STAG3: variants seen among roughly 807,000 people sequenced by gnomAD.
STAG3 encodes the protein cohesin subunit SA-3.
In STAG3, 101 loss-of-function variants were observed where a neutral mutation model predicts 160.7. That is an observed-to-expected ratio of 0.63 (90% CI 0.54 to 0.74). The LOEUF (loss-of-function observed/expected upper bound fraction) is 0.74. STAG3 is among the 30% of genes least tolerant of loss of function. The pLI is 0.00. For synonymous variants in STAG3, 519 were observed against 585.0 expected (o/e 0.89, Z 1.63); for missense variants, 1,188 against 1,517.4 (o/e 0.78, Z 3.61).
rs1801536130 is a variant in STAG3, at chr7:100,205,265, A to G, written c.3119A>G (p.Gln1040Arg). 6.2e-7 allele frequency: 1 copy of G among 1,613,982 alleles called. No homozygotes were observed. Among genetic ancestry groups the G allele is most frequent in the Admixed American group, 1.7e-5 (1 of 60,000 alleles). ...GAAAAGTGCCTGCAGCATGTCTCCC[A>G]GGCACCTGGCCATCCCTGGGGCCCA... Reference protein sequence around the residue: ...YLEKCLQHVSQAPGHPWGPVT... With the variant: ...YLEKCLQHVSRAPGHPWGPVT... The change falls in exon 29 of 34, where the codon CAG becomes CGG. Residue 1040 changes from glutamine to arginine, a missense_variant. By Grantham distance (43) the Gln-to-Arg change is conservative. Coordinates refer to ENST00000615138, the MANE Select transcript of STAG3 (RefSeq NM_001282717.2).
chr7:100,199,688 T>G, intron 16 of STAG3, 44 bp downstream of exon 16: 1 of 1,422,618 alleles, frequency 7.0e-7, no homozygotes, highest in African/African-American at 1.4e-5. Context: ...ATACTCAGTC[T>G]TGACAGGCAA....
Position 100,188,932 on chromosome 7 carries a change from T to C in STAG3, c.631T>C (p.Phe211Leu). The C allele has an allele frequency of 6.2e-7, 1 of 1,614,174 alleles. No homozygotes were observed. The highest frequency in any genetic ancestry group is 8.5e-7 in the Non-Finnish European group (1 of 1,180,026). ...CCAGTACAGCCTCCTCTATGATGGCTTCCCTATGGACGACCTCATCTCCCT... is the reference window on the plus strand; with the variant it reads ...CCAGTACAGCCTCCTCTATGATGGCCTCCCTATGGACGACCTCATCTCCCT... ...QCQYSLLYDG[F>L]PMDDLISLLT... Residue 211 changes from phenylalanine to leucine, a missense_variant, in exon 7 of 34, where the codon TTC becomes CTC. This residue lies in a region of STAG3 where 296 missense variants were observed against 404.0 expected (regional missense o/e 0.73). Coordinates refer to ENST00000615138, the MANE Select transcript of STAG3 (RefSeq NM_001282717.2).
intron 9 of STAG3, among the ~76,000 whole-genome samples, chr7:100,196,109 A>G (rs1185705839): frequency 6.6e-6 from 1 of 152,094 alleles, no homozygotes; most frequent in Non-Finnish European, 1.5e-5. Flanking sequence ...AGCCTAGGCA[A>G]CAAGAGTGAA....
intron 10 of STAG3, chr7:100,197,574 T>C (rs1451582778): frequency 7.8e-6 from 5 of 638,770 alleles, no homozygotes; most frequent in Non-Finnish European, 1.4e-5. Flanking sequence ...CAAAGGATCC[T>C]TCTCATCATG....
intron 24 of STAG3, 35 bp downstream of exon 24, chr7:100,202,375 C>G (rs565017978): frequency 8.1e-6 from 13 of 1,611,054 alleles, no homozygotes; most frequent in Admixed American, 3.3e-5. Flanking sequence ...TCAGTAAGGG[C>G]TGGGGCTTGG....
chr7:100,189,717 AG>A, intron 8 of STAG3, 121 bp downstream of exon 8: 1 of 1,170,124 alleles, frequency 8.5e-7, no homozygotes, highest in Non-Finnish European at 1.2e-6. Flanking sequence ...GTCTGGCAAT[AG>A]TTTCATAGAC....
intron 25 of STAG3, among the ~76,000 whole-genome samples, chr7:100,203,482 G>C (rs1801334646): frequency 6.6e-6 from 1 of 150,834 alleles, no homozygotes; most frequent in African/African-American, 2.4e-5. Context: ...TGCCTGGCCT[G>C]TTTCATTATT....
intron 8 of STAG3, among the ~76,000 whole-genome samples, chr7:100,192,199 A>G (rs1800385388): frequency 1.3e-5 from 2 of 152,208 alleles, no homozygotes; most frequent in Non-Finnish European, 2.9e-5. Context: ...ACCTCTTCCC[A>G]TGAACCACAA....
Position 100,198,455 on chromosome 7 carries a change from T to C in STAG3, c.1245-20T>C. ...GACAATGTCCCTATTCACATACTCT[T>C]TCTGCTTTTCTGTGGGCAGGAACAT... On this transcript the variant is annotated intron_variant, in intron 12 of 33. Coordinates refer to ENST00000615138, the MANE Select transcript of STAG3 (RefSeq NM_001282717.2). 1 of 1,613,456 alleles carries C rather than the reference T, an allele frequency of 6.2e-7. No homozygotes were observed. Among genetic ancestry groups the C allele is most frequent in the South Asian group, 1.1e-5 (1 of 91,068 alleles).
In STAG3 at chr7:100,204,486, C is replaced by T. The variant is rs1801443959; in HGVS notation, c.2803-141C>T. On this transcript the variant is annotated intron_variant, in intron 26 of 33. Coordinates refer to ENST00000615138, the MANE Select transcript of STAG3 (RefSeq NM_001282717.2). ...GTTTGCTGCAGGGGTATCGGGAGTT[C>T]CCTAGAAGGAAGGAAAGAGTAAAAG... The T allele has an allele frequency of 9.8e-6, 10 of 1,022,996 alleles. No individual in the cohort carries two copies. In the South Asian group the frequency reaches 1.5e-4, roughly 16 times the overall value. The allele number at this position is 1,022,996 out of a possible 1,614,324, so 63.4% of individuals were successfully genotyped here. A position where few individuals can be genotyped will look rare whatever the true frequency, so the allele number is the denominator to read the frequency against.
intron 32 of STAG3, chr7:100,212,660 T>G (rs956963051): frequency 6.6e-6 from 1 of 152,190 alleles, no homozygotes; most frequent in East Asian, 1.9e-4. Flanking sequence ...GGTTTTGCCA[T>G]GTTGGCCAGG....
chr7:100,214,130 TCTGAGGG>T lies in STAG3; in HGVS notation c.*116_*122del, dbSNP rs1802556056. ...ATTCCCCCAGGCTTCAGCCCTGGGCTCTGAGGGGAAAGAGTTGGGCATTGTTTTTCTA... is the reference window on the plus strand; with the variant it reads ...ATTCCCCCAGGCTTCAGCCCTGGGCTGAAAGAGTTGGGCATTGTTTTTCTA... On this transcript the variant is annotated 3_prime_UTR_variant, in exon 34 of 34. Coordinates refer to ENST00000615138, the MANE Select transcript of STAG3 (RefSeq NM_001282717.2). The T allele has an allele frequency of 7.1e-7, 1 of 1,399,896 alleles. No homozygotes were observed. Among genetic ancestry groups the T allele is most frequent in the Admixed American group, 1.9e-5 (1 of 53,684 alleles). The allele number at this position is 1,399,896 out of a possible 1,614,324, so 86.7% of individuals were successfully genotyped here.
rs1802210837 is a variant in STAG3, at chr7:100,211,572, T to C, written c.3518+33T>C. On this transcript the variant is annotated intron_variant, in intron 31 of 33. Coordinates refer to ENST00000615138, the MANE Select transcript of STAG3 (RefSeq NM_001282717.2). ...TTTCTCATCATCTCCTGTCTTCACTTCAGATCTGTCGCCCACTGTGAGGGG... is the reference window on the plus strand; with the variant it reads ...TTTCTCATCATCTCCTGTCTTCACTCCAGATCTGTCGCCCACTGTGAGGGG... The C allele has an allele frequency of 1.9e-6, 3 of 1,606,084 alleles. No homozygotes were observed. In the Admixed American group the frequency reaches 5.0e-5, roughly 27 times the overall value.
intron 19 of STAG3, 56 bp from the exon 20 acceptor site, chr7:100,201,033 GA>G: frequency 6.2e-7 from 1 of 1,614,030 alleles, no homozygotes; most frequent in Non-Finnish European, 8.5e-7. Flanking sequence ...CAAGACGGGG[GA>G]TGTGGACTGA....
At chr7:100,187,665 G>T (rs1055594643) in intron 5 of STAG3, among the ~76,000 whole-genome samples, 7 of 152,110 alleles carry the variant, frequency 4.6e-5, no homozygotes, top group African/African-American at 1.7e-4. Flanking sequence ...GTGTAGGCAA[G>T]TCGGCTTAAC....
chr7:100,206,481 T>A (rs1727124), intron 29 of STAG3, among the ~76,000 whole-genome samples: 16 of 151,572 alleles, frequency 1.1e-4, no homozygotes, highest in Admixed American at 9.8e-4. Flanking sequence ...AAATCATTTT[T>A]TTTTTTTTGA....
downstream of STAG3, among the ~76,000 whole-genome samples, chr7:100,215,662 C>A (rs75655792): frequency 0.16 from 23,999 of 152,006 alleles, 2,411 homozygotes; most frequent in Middle Eastern, 0.32. Context: ...GGCTTTGCAT[C>A]AATATGGACA....
chr7:100,180,812 C>T (rs1283452894), intron 2 of STAG3, 140 bp downstream of exon 2: 1 of 606,976 alleles, frequency 1.6e-6, no homozygotes, highest in African/African-American at 1.8e-5. Context: ...GTGACACCCT[C>T]CCTCCAGCTC....
intron 8 of STAG3, among the ~76,000 whole-genome samples, chr7:100,189,832 T>TC (rs1282784531): frequency 9.3e-4 from 141 of 152,208 alleles, no homozygotes; most frequent in Non-Finnish European, 1.7e-3. Flanking sequence ...TTGCTCAGTT[T>TC]TTTTTTTTTT....
Sources: gnomAD v4.1 joint callset for allele counts (sites outside exome capture counted in the v4.1 genomes callset) on GRCh38, gnomAD v4.1.1 for gene constraint, gnomAD v4.1.1 regional missense constraint, MANE v1.5 for transcripts, NCBI Gene and HGNC (gene_info 2026-07-23, HGNC 2026-07-21) for gene names.